ANKS1B: variants seen among roughly 807,000 people sequenced by gnomAD.
ANKS1B encodes the protein ankyrin repeat and sterile alpha motif domain containing 1B, also known as ankyrin repeat and sterile alpha motif domain-containing protein 1B.
A neutral mutation model predicts 148.3 loss-of-function variants in ANKS1B; 36 were observed. The ratio of observed to expected loss-of-function variants is 0.24; its 90% CI spans 0.19 to 0.32. ANKS1B has a LOEUF of 0.32. ANKS1B is among the 10% of genes least tolerant of loss of function. The pLI, the probability that ANKS1B is intolerant of heterozygous loss-of-function variation, is 1.00. For missense variants in ANKS1B, 1,157 were observed against 1,542.6 expected, an observed-to-expected ratio of 0.75 and a Z score of 4.19; for synonymous variants, 542 against 560.8, an observed-to-expected ratio of 0.97 and a Z score of 0.47.
chr12:99,669,954 G>A (rs1423577589), intron 8 of ANKS1B, among the ~76,000 whole-genome samples: 2 of 152,010 alleles, frequency 1.3e-5, no homozygotes, highest in East Asian at 3.9e-4. Context: ...TTTTCTATTA[G>A]GGATCACAGT....
chr12:99,315,033 A>C (rs1201256145), intron 12 of ANKS1B, among the ~76,000 whole-genome samples: 1 of 151,926 alleles, frequency 6.6e-6, no homozygotes, highest in Non-Finnish European at 1.5e-5. Flanking sequence ...TCATGAGGTC[A>C]AGAGATCAAG....
intron 1 of ANKS1B, among the ~76,000 whole-genome samples, chr12:99,964,025 T>G (rs1166908092): frequency 6.6e-6 from 1 of 152,196 alleles, no homozygotes; most frequent in Non-Finnish European, 1.5e-5. Flanking sequence ...TTGCTGATAA[T>G]TATGATAAAG....
chr12:99,291,125 T>A (rs2079906314), intron 12 of ANKS1B, among the ~76,000 whole-genome samples: 1 of 152,030 alleles, frequency 6.6e-6, no homozygotes, highest in Non-Finnish European at 1.5e-5. Context: ...AGAAATCAAA[T>A]CCCATTTCCA....
chr12:99,536,929 T>C (rs2097075175), intron 9 of ANKS1B, among the ~76,000 whole-genome samples: 1 of 152,172 alleles, frequency 6.6e-6, no homozygotes, highest in Admixed American at 6.5e-5. Flanking sequence ...TCCCAGCCTC[T>C]GGTAACCATC....
intron 1 of ANKS1B, among the ~76,000 whole-genome samples, chr12:99,965,734 G>C (rs757493156): frequency 1.3e-5 from 2 of 152,142 alleles, no homozygotes; most frequent in African/African-American, 2.4e-5. Flanking sequence ...GACCAGCCTG[G>C]TCAACATGGT....
At chr12:98,898,485 T>G (rs879585467) in intron 17 of ANKS1B, among the ~76,000 whole-genome samples, 2 of 152,102 alleles carry the variant, frequency 1.3e-5, no homozygotes, top group African/African-American at 2.4e-5. Flanking sequence ...CCTGAAACCC[T>G]CTCACCTTAC....
At chr12:99,461,194 T>C (rs1245444024) in intron 10 of ANKS1B, among the ~76,000 whole-genome samples, 1 of 151,950 alleles carries the variant, frequency 6.6e-6, no homozygotes, top group Admixed American at 6.6e-5. Flanking sequence ...AAACCAAACA[T>C]ATGTTCTCAC....
chr12:99,280,670 G>A (rs1011781362), intron 12 of ANKS1B, among the ~76,000 whole-genome samples: 4 of 152,074 alleles, frequency 2.6e-5, no homozygotes, highest in African/African-American at 7.2e-5. Context: ...CAAAAAGGCC[G>A]AGTGAAAAGG....
intron 11 of ANKS1B, among the ~76,000 whole-genome samples, chr12:99,404,789 A>G (rs1424700119): frequency 6.9e-6 from 1 of 145,624 alleles, no homozygotes; most frequent in African/African-American, 2.6e-5. Flanking sequence ...TCAATATTCA[A>G]GTATAAGAAG....
chr12:98,796,739 G>A (rs910908288), intron 22 of ANKS1B, among the ~76,000 whole-genome samples: 1 of 152,144 alleles, frequency 6.6e-6, no homozygotes, highest in Non-Finnish European at 1.5e-5. Flanking sequence ...ACCAAGAGCA[G>A]CAAACCAGAA....
chr12:99,623,603 T>A (rs1350737553), intron 9 of ANKS1B, among the ~76,000 whole-genome samples: 1 of 151,786 alleles, frequency 6.6e-6, no homozygotes, highest in Non-Finnish European at 1.5e-5. Flanking sequence ...TATAAACCAA[T>A]AACATTTGGC....
chr12:99,231,651 A>C (rs1055974175), intron 14 of ANKS1B, among the ~76,000 whole-genome samples: 8 of 143,218 alleles, frequency 5.6e-5, no homozygotes, highest in Non-Finnish European at 1.3e-4. Flanking sequence ...TTGTAAATAC[A>C]TTTAAAAAAA....
At position 99,655,058 on chromosome 12, in the gene ANKS1B, A is replaced by G. The variant is rs1775189494; in HGVS notation, c.1272+9T>C. 6.4e-7 allele frequency: 1 copy of G among 1,552,596 alleles called. No homozygotes were observed. The highest frequency in any genetic ancestry group is 1.4e-5 in the African/African-American group (1 of 73,332). On this transcript the variant is annotated intron_variant, in intron 9 of 26. Coordinates refer to ENST00000683438, the MANE Select transcript of ANKS1B (RefSeq NM_001352186.2). ...GTTTTATTGTACCTTAATAAAAGCAAACTTTTACCTGGGCAAGCATGGGGA... is the reference window on the plus strand; with the variant it reads ...GTTTTATTGTACCTTAATAAAAGCAGACTTTTACCTGGGCAAGCATGGGGA...
rs114856751 is a variant in ANKS1B at position 98,942,577 on chromosome 12, C to T, written c.2779-110441G>A. Reference sequence around the variant, plus strand: ...CTTCTCTGTTCTAGCACTCCCCACACTGTGTTGTCATTACCTGTATATGTC... The same window carrying T: ...CTTCTCTGTTCTAGCACTCCCCACATTGTGTTGTCATTACCTGTATATGTC... On this transcript the variant is annotated intron_variant, in intron 17 of 26. Transcript: ENST00000683438. Among the ~76,000 whole-genome samples, 1,142 of 152,360 alleles carry T rather than the reference C, an allele frequency of 7.5e-3. 15 individuals are homozygous for T. The highest frequency in any genetic ancestry group is 0.026 in the African/African-American group (1,091 of 41,578).
chr12:99,219,575 T>C (rs1476000085), intron 14 of ANKS1B, among the ~76,000 whole-genome samples: 1 of 152,160 alleles, frequency 6.6e-6, no homozygotes, highest in Non-Finnish European at 1.5e-5. Flanking sequence ...AGCTGGGCTT[T>C]AAAATCACAA....
intron 9 of ANKS1B, among the ~76,000 whole-genome samples, chr12:99,608,667 A>G (rs1204632963): frequency 6.6e-6 from 1 of 152,026 alleles, no homozygotes; most frequent in Admixed American, 6.6e-5. Flanking sequence ...CAGATGTGAG[A>G]AGGACTAACT....
rs867736381 is a variant in ANKS1B at position 98,763,778 on chromosome 12, G to A, written c.3579+9264C>T. Among the ~76,000 whole-genome samples, 46 of 151,918 alleles carry A rather than the reference G, an allele frequency of 3.0e-4. 1 individual carries two copies. The highest frequency in any genetic ancestry group is 2.1e-4 in the South Asian group (1 of 4,818). ...GCAGTCTCATAAGTTCCTTTTTTGCGCAACATTATCTCATAGTTGGTCTTC... is the reference window on the plus strand; with the variant it reads ...GCAGTCTCATAAGTTCCTTTTTTGCACAACATTATCTCATAGTTGGTCTTC... On this transcript the variant is annotated intron_variant, in intron 25 of 26. Coordinates refer to ENST00000683438, the MANE Select transcript of ANKS1B (RefSeq NM_001352186.2).
intron 14 of ANKS1B, among the ~76,000 whole-genome samples, chr12:99,159,643 A>T (rs2076438108): frequency 6.6e-6 from 1 of 152,144 alleles, no homozygotes; most frequent in South Asian, 2.1e-4. Flanking sequence ...ATGAGTACTC[A>T]GGTTGATGCC....
chr12:98,884,716 G>A (rs2099734821), intron 17 of ANKS1B, among the ~76,000 whole-genome samples: 1 of 150,302 alleles, frequency 6.7e-6, no homozygotes, highest in East Asian at 2.0e-4. Context: ...GGAGAATGGC[G>A]TGAACCCGGG....
Sources: allele counts gnomAD v4.1 joint callset (sites outside exome capture counted in the v4.1 genomes callset), GRCh38; gene constraint gnomAD v4.1.1; transcripts MANE v1.5; gene names NCBI Gene and HGNC (gene_info 2026-07-23, HGNC 2026-07-21).